The following BTF3 variants were observed in gnomAD, a reference collection of about 807,000 sequenced individuals.
The protein encoded by BTF3 is basic transcription factor 3, also known as transcription factor BTF3.
In BTF3, 12 loss-of-function variants were observed where a neutral mutation model predicts 23.9. The observed-to-expected ratio is 0.50, with a 90% CI of 0.32 to 0.81. BTF3 has a LOEUF of 0.81. Ranked by LOEUF, BTF3 falls within the 40% of genes least tolerant of loss-of-function variation. BTF3 has a pLI of 0.03. For missense variants in BTF3, 215 were observed against 255.9 expected (o/e 0.84, Z 1.09); for synonymous variants, 96 against 94.8 (o/e 1.01, Z -0.07).
chr5:73,505,412 C>G lies in BTF3; in HGVS notation c.*174C>G. ...GCTCTTTTCAGTTTTTGCTTATACA[C>G]AATTCATTCTTTGCAGCTAATTAAG... On this transcript the variant is annotated 3_prime_UTR_variant, in exon 6 of 6. Coordinates refer to ENST00000380591, the MANE Select transcript of BTF3 (RefSeq NM_001037637.2). 2 of 519,954 alleles carry G rather than the reference C, an allele frequency of 3.8e-6. No homozygotes were observed. The highest frequency in any genetic ancestry group is 3.3e-6 in the Non-Finnish European group (1 of 300,756). The allele number at this position is 519,954 out of a possible 1,614,324, so 32.2% of individuals were successfully genotyped here.
At chr5:73,499,801 G>T (rs1312856779) in intron 2 of BTF3, 1 of 164,706 alleles carries the variant, frequency 6.1e-6, no homozygotes, top group Non-Finnish European at 1.3e-5. Context: ...TTGATTAATT[G>T]TTTTTTTCCT....
rs754643523 is a variant in BTF3 at position 73,498,477 on chromosome 5, C to T, written c.-191C>T. 3.3e-5 allele frequency: 23 copies of T among 692,468 alleles called. No individual in the cohort carries two copies. In the South Asian group the frequency reaches 4.6e-4, roughly 14 times the overall value. 42.9% of individuals were successfully genotyped at this position (692,468 alleles called of 1,614,324 possible). The stretch of plus-strand genomic sequence containing the variant: ...GCCATCTTGCGTCCCCGCGTGTGTG[C>T]GCCTAATCTCAGGTGGTCCACCCGA... On this transcript the variant is annotated 5_prime_UTR_variant, in exon 1 of 6. Coordinates refer to ENST00000380591, the MANE Select transcript of BTF3 (RefSeq NM_001037637.2).
At position 73,498,459 on chromosome 5, in the gene BTF3, T is replaced by G; in HGVS notation, c.-209T>G. The stretch of plus-strand genomic sequence containing the variant: ...TCCGGCCTCCCTTTAGCTGCCATCT[T>G]GCGTCCCCGCGTGTGTGCGCCTAAT... On this transcript the variant is annotated 5_prime_UTR_variant, in exon 1 of 6. Coordinates refer to ENST00000380591, the MANE Select transcript of BTF3 (RefSeq NM_001037637.2). 1.7e-6 allele frequency: 1 copy of G among 587,146 alleles called. No homozygotes were observed. The highest frequency in any genetic ancestry group is 2.7e-6 in the Non-Finnish European group (1 of 376,346). 36.4% of individuals were successfully genotyped at this position (587,146 alleles called of 1,614,324 possible).
chr5:73,505,182 CT>C lies in BTF3; in HGVS notation c.575-6del. The C allele has an allele frequency of 6.2e-7, 1 of 1,606,552 alleles. No homozygotes were observed. On this transcript the variant is annotated splice_polypyrimidine_tract_variant and intron_variant, in intron 5 of 5. Transcript: ENST00000380591. ...TTTTTTAAGAATTTCTACTCTTTTC[CT>C]TTTCCTAGATCTTGTGGAGAATTTT...
chr5:73,499,484 T>G lies in BTF3; in HGVS notation c.201+282T>G, dbSNP rs1030903497. The stretch of plus-strand genomic sequence containing the variant: ...TTCCTAATTTAATTAGTAAGGAAAA[T>G]GTGTCATTTCAGTTAGATCGTTGTG... On this transcript the variant is annotated intron_variant, in intron 2 of 5. Coordinates refer to ENST00000380591, the MANE Select transcript of BTF3 (RefSeq NM_001037637.2). 1.0e-5 allele frequency: 5 copies of G among 481,748 alleles called. No homozygotes were observed. The Admixed American group carries it at 1.6e-4, about 16-fold the overall frequency. The allele number at this position is 481,748 out of a possible 1,614,324, so 29.8% of individuals were successfully genotyped here. A position where few individuals can be genotyped will look rare whatever the true frequency, so the allele number is the denominator to read the frequency against.
chr5:73,502,626 A>G lies in BTF3; in HGVS notation c.315+25A>G, dbSNP rs1378525933. On this transcript the variant is annotated intron_variant, in intron 3 of 5. Transcript: ENST00000380591. The stretch of plus-strand genomic sequence containing the variant: ...GGCAAGTATCAAATTTTGTTACTTT[A>G]AAAAACAAGATTTGGCTGGGAAAAG... 4 of 1,538,430 alleles carry G rather than the reference A, an allele frequency of 2.6e-6. No homozygotes were observed. The Admixed American group carries it at 6.4e-5, about 25-fold the overall frequency.
intron 1 of BTF3, 79 bp downstream of exon 1, chr5:73,498,878 G>A (rs923731366): frequency 1.1e-5 from 17 of 1,484,440 alleles, no homozygotes; most frequent in Non-Finnish European, 1.4e-5. Flanking sequence ...CAGGGGTGGG[G>A]GGTGCTGGCC....
intron 2 of BTF3, among the ~76,000 whole-genome samples, chr5:73,501,940 G>A (rs1746445417): frequency 6.6e-6 from 1 of 152,096 alleles, no homozygotes; most frequent in Non-Finnish European, 1.5e-5. Context: ...GGCCGAGGCA[G>A]GCGGATCACT....
At chr5:73,503,498 C>CT (rs1163227869) in intron 4 of BTF3, among the ~76,000 whole-genome samples, 1 of 152,154 alleles carries the variant, frequency 6.6e-6, no homozygotes, top group Non-Finnish European at 1.5e-5. Context: ...TACCAGTAAT[C>CT]TTTTAAAAAT....
rs191359554 is a variant in BTF3, at chr5:73,499,372, A to G, written c.201+170A>G. ...CGGGGGAGACGAGGGTTGGAGACAC[A>G]TCAGTGAGACGAGCTAAAAACATCG... is the stretch of plus-strand genomic sequence containing the variant. On this transcript the variant is annotated intron_variant, in intron 2 of 5. Transcript: ENST00000380591. 1.5e-3 allele frequency: 1,097 copies of G among 737,948 alleles called. 10 individuals carry two copies. In the African/African-American group the frequency reaches 0.017, roughly 11 times the overall value. The allele number at this position is 737,948 out of a possible 1,614,324, so 45.7% of individuals were successfully genotyped here.
At chr5:73,505,140 T>G in intron 5 of BTF3, 52 bp from the exon 6 acceptor site, 3 of 1,425,994 alleles carry the variant, frequency 2.1e-6, no homozygotes, top group Non-Finnish European at 2.0e-6. Flanking sequence ...TATCTGATAA[T>G]TATTTGTAGA....
intron 2 of BTF3, among the ~76,000 whole-genome samples, chr5:73,501,302 T>A (rs532225929): frequency 2.6e-5 from 4 of 152,156 alleles, no homozygotes; most frequent in African/African-American, 9.7e-5. Context: ...TGATAGACTT[T>A]CCTTGAGTGC....
chr5:73,503,484 G>A (rs115981667), intron 4 of BTF3, among the ~76,000 whole-genome samples: 2,021 of 152,198 alleles, frequency 0.013, 32 homozygotes, highest in African/African-American at 0.041. Flanking sequence ...TATATAGTTC[G>A]TATTACCAGT....
At position 73,499,063 on chromosome 5, in the gene BTF3, T is replaced by G. The variant is rs1281761671; in HGVS notation, c.133-71T>G. Reference sequence around the variant, plus strand: ...GACGTTTATTTTCCTGCTGGTATCTTGGGAAATAACGAGCATGGAATGCTA... The same window carrying G: ...GACGTTTATTTTCCTGCTGGTATCTGGGGAAATAACGAGCATGGAATGCTA... On this transcript the variant is annotated intron_variant, in intron 1 of 5. Coordinates refer to ENST00000380591, the MANE Select transcript of BTF3 (RefSeq NM_001037637.2). 2.0e-6 allele frequency: 3 copies of G among 1,467,944 alleles called. No homozygotes were observed. In the African/African-American group the frequency reaches 4.3e-5, roughly 21 times the overall value. The allele number at this position is 1,467,944 out of a possible 1,614,324, so 90.9% of individuals were successfully genotyped here.
At chr5:73,499,802 T>C (rs1227360341) in intron 2 of BTF3, among the ~76,000 whole-genome samples, 2 of 152,216 alleles carry the variant, frequency 1.3e-5, no homozygotes, top group Non-Finnish European at 1.5e-5. Context: ...TGATTAATTG[T>C]TTTTTTCCTG....
At chr5:73,504,273 T>TTTTTTTTTTTTTTTTTTTTG in intron 4 of BTF3, 74 bp from the exon 5 acceptor site, 1 of 585,670 alleles carries the variant, frequency 1.7e-6, no homozygotes, top group Non-Finnish European at 2.5e-6. Flanking sequence ...TGTTCTTTTT[T>TTTTTTTTTTTTTTTTTTTTG]TTTTTTTTTT....
chr5:73,502,676 TG>T (rs1422350277), intron 3 of BTF3, 75 bp downstream of exon 3: 18 of 863,520 alleles, frequency 2.1e-5, no homozygotes, highest in African/African-American at 2.1e-4. Context: ...TTAAATGGGT[TG>T]TTTTTTTTTT....
intron 4 of BTF3, 62 bp downstream of exon 4, chr5:73,503,179 C>T (rs140372053): frequency 1.4e-4 from 210 of 1,550,826 alleles, no homozygotes; most frequent in Admixed American, 7.5e-4. Context: ...TTTCTGATCT[C>T]AGGGCTCAGA....
At chr5:73,504,819 G>T in intron 5 of BTF3, 1 of 217,496 alleles carries the variant, frequency 4.6e-6, no homozygotes, top group South Asian at 9.5e-5. Flanking sequence ...GGAATCATGA[G>T]ACATTTTTGT....
Sources: gnomAD v4.1 joint callset for allele counts (sites outside exome capture counted in the v4.1 genomes callset) on GRCh38, gnomAD v4.1.1 for gene constraint, MANE v1.5 for transcripts, NCBI Gene and HGNC (gene_info 2026-07-23, HGNC 2026-07-21) for gene names.